The following ACSM1 variants were observed in gnomAD, a reference collection of about 807,000 sequenced individuals.
ACSM1 encodes the protein acyl-coenzyme A synthetase ACSM1, mitochondrial.
ACSM1 carries 79 observed loss-of-function variants against 75.8 expected under a neutral mutation model. That is an observed-to-expected ratio of 1.04 (90% CI 0.87 to 1.26). The LOEUF (loss-of-function observed/expected upper bound fraction) is 1.26, where lower values mean the gene tolerates loss of function less well. Ranked by LOEUF, ACSM1 falls within the 50% of genes most tolerant of loss-of-function variation. The probability of loss-of-function intolerance (pLI) is 0.00; values close to 1 mark genes in which losing one functional copy is unlikely to be tolerated. For missense variants in ACSM1, 676 were observed against 720.1 expected, an observed-to-expected ratio of 0.94 and a Z score of 0.70; for synonymous variants, 279 against 265.8, an observed-to-expected ratio of 1.05 and a Z score of -0.48.
intron 6 of ACSM1, among the ~76,000 whole-genome samples, chr16:20,665,032 C>A (rs12443593): frequency 0.026 from 3,938 of 152,090 alleles, 82 homozygotes; most frequent in Non-Finnish European, 0.04. Context: ...TAAATGCCTT[C>A]ATTAAGAAGT....
At position 20,627,218 on chromosome 16, in the gene ACSM1, C is replaced by G; in HGVS notation, c.1398G>C (p.Gly466=). ...MDEEGYICFL[G]RSDDIINASG... is the part of the protein sequence containing the mutation. ...AGGCATTAATGATGTCATCACTCCT[C>G]CCCAGGAAACAAATGTAGCCCTCTT... The change falls in exon 11 of 14, where the codon GGG becomes GGC. Residue 466 remains glycine (G), a synonymous_variant. Transcript: ENST00000520010. 3 of 1,574,622 alleles carry G rather than the reference C, an allele frequency of 1.9e-6. No individual in the cohort carries two copies. Among genetic ancestry groups the G allele is most frequent in the Non-Finnish European group, 2.6e-6 (3 of 1,162,960 alleles).
intron 6 of ACSM1, among the ~76,000 whole-genome samples, chr16:20,667,562 C>T (rs1374693402): frequency 6.6e-6 from 1 of 152,082 alleles, no homozygotes; most frequent in African/African-American, 2.4e-5. Context: ...GATAGAAATG[C>T]AAATTAGTTT....
intron 7 of ACSM1, among the ~76,000 whole-genome samples, chr16:20,650,076 C>A (rs2018567815): frequency 6.6e-6 from 1 of 152,190 alleles, no homozygotes; most frequent in South Asian, 2.1e-4. Context: ...TCTGGTGGAA[C>A]TGGTAAGTCC....
At chr16:20,637,054 A>G (rs775766436) in intron 9 of ACSM1, 31 of 738,782 alleles carry the variant, frequency 4.2e-5, no homozygotes, top group Admixed American at 2.0e-4. Context: ...GATGTCACCA[A>G]TGTGTCTTCA....
chr16:20,662,071 A>G (rs1163157116), intron 6 of ACSM1, among the ~76,000 whole-genome samples, 198 bp from the exon 7 acceptor site: 3 of 152,232 alleles, frequency 2.0e-5, no homozygotes, highest in East Asian at 3.8e-4. Context: ...AAAAACGCAG[A>G]TAACGTTCCA....
chr16:20,640,468 G>C lies in ACSM1; in HGVS notation c.1109C>G (p.Ser370Trp), dbSNP rs578181180. The C allele has an allele frequency of 6.2e-7, 1 of 1,614,036 alleles. No individual in the cohort carries two copies. The highest frequency in any genetic ancestry group is 8.5e-7 in the Non-Finnish European group (1 of 1,179,974). ...GLLLYENYGQ[S>W]ETGLICATYW... ...CTGGTTTGCACCACCTACCGTTTCCGACTGCCCATAGTTCTCGTAGAGCAG... is the reference window on the plus strand; with the variant it reads ...CTGGTTTGCACCACCTACCGTTTCCCACTGCCCATAGTTCTCGTAGAGCAG... The change falls in exon 8 of 14, where the codon TCG (serine) becomes TGG (tryptophan). Residue 370 changes from serine (S) to tryptophan (W), a missense_variant. Coordinates refer to ENST00000520010, the MANE Select transcript of ACSM1 (RefSeq NM_001318890.3).
chr16:20,685,399 C>T lies in ACSM1; in HGVS notation c.197G>A (p.Gly66Asp). Residue 66 changes from glycine to aspartate, a missense_variant, in exon 3 of 14, where the codon GGC (glycine) becomes GAC (aspartate). By Grantham distance (94) the Gly-to-Asp change is moderately conservative. Coordinates refer to ENST00000520010, the MANE Select transcript of ACSM1 (RefSeq NM_001318890.3). ...LDYWAQKEKE[G>D]KRGPNPAFWW... ...AAAAGCTGGATTTGGACCTCTCTTG[C>T]CCTCCTGGTCAAGACCATATATTAT... 6.2e-7 allele frequency: 1 copy of T among 1,613,972 alleles called. No individual in the cohort carries two copies. Among genetic ancestry groups the T allele is most frequent in the South Asian group, 1.1e-5 (1 of 91,088 alleles).
At chr16:20,636,315 A>T (rs537341825) in intron 10 of ACSM1, among the ~76,000 whole-genome samples, 1 of 152,176 alleles carries the variant, frequency 6.6e-6, no homozygotes, top group East Asian at 1.9e-4. Flanking sequence ...TAAACCTACC[A>T]TTTATTTGAT....
intron 11 of ACSM1, among the ~76,000 whole-genome samples, 159 bp downstream of exon 11, chr16:20,627,030 C>T (rs1020465256): frequency 5.3e-5 from 8 of 151,956 alleles, no homozygotes; most frequent in Admixed American, 4.6e-4. Flanking sequence ...AGAGAAGGTT[C>T]GGGAGGTATA....
intron 1 of ACSM1, 105 bp from the exon 2 acceptor site, chr16:20,691,344 C>T: frequency 3.4e-6 from 2 of 589,922 alleles, no homozygotes; most frequent in East Asian, 3.3e-5. Flanking sequence ...TGTTTCAGGT[C>T]ACCAGAATTT....
chr16:20,624,197 C>T lies in ACSM1; in HGVS notation c.1546G>A (p.Val516Ile). 2 of 1,611,164 alleles carry T rather than the reference C, an allele frequency of 1.2e-6. No homozygotes were observed. Among genetic ancestry groups the T allele is most frequent in the Non-Finnish European group, 8.5e-7 (1 of 1,178,166 alleles). The change falls in exon 13 of 14, where the codon GTC becomes ATC. Residue 516 changes from valine (V) to isoleucine (I), a missense_variant. Coordinates refer to ENST00000520010, the MANE Select transcript of ACSM1 (RefSeq NM_001318890.3). ...TGGGACAGGAACTGTGGGGTCAGGA[C>T]AATAAAGGCCTTCACCACCTGCAGA... The part of the protein sequence containing the change: ...IRGEVVKAFI[V>I]LTPQFLSHDK...
In ACSM1 at chr16:20,636,832, A is replaced by C; in HGVS notation, c.1206T>G (p.Asp402Glu). Residue 402 changes from aspartate to glutamate, a missense_variant, in exon 10 of 14, where the codon GAT (aspartate) becomes GAG (glutamate). Asp to Glu is a conservative substitution (Grantham distance 45). Coordinates refer to ENST00000520010, the MANE Select transcript of ACSM1 (RefSeq NM_001318890.3). ...TAGGTGGCAGGATGCTGCCCTTGTC[A>C]TCAATGACCTGTAGCAAGAGGCCTG... The part of the protein sequence containing the change: ...ATPPYDVQVI[D>E]DKGSILPPNT... 1 of 1,613,688 alleles carries C rather than the reference A, an allele frequency of 6.2e-7. No homozygotes were observed. The highest frequency in any genetic ancestry group is 8.5e-7 in the Non-Finnish European group (1 of 1,179,858).
In ACSM1 at chr16:20,661,886, G is replaced by A; in HGVS notation, c.913-13C>T. On this transcript the variant is annotated splice_polypyrimidine_tract_variant and intron_variant, in intron 6 of 13. Coordinates refer to ENST00000520010, the MANE Select transcript of ACSM1 (RefSeq NM_001318890.3). ...ATTTCAACAATGTCTGGAAAGGGAA[G>A]AGAGAAGAAATTTTATTTTTACAGT... 1 of 1,579,664 alleles carries A rather than the reference G, an allele frequency of 6.3e-7. No homozygotes were observed. The highest frequency in any genetic ancestry group is 1.7e-4 in the Middle Eastern group (1 of 5,982).
intron 7 of ACSM1, among the ~76,000 whole-genome samples, chr16:20,654,894 C>T (rs1366349936): frequency 6.6e-6 from 1 of 152,150 alleles, no homozygotes; most frequent in South Asian, 2.1e-4. Flanking sequence ...AATCCCATTA[C>T]TGGGTATATA....
At chr16:20,690,070 C>T (rs1035504222) in intron 2 of ACSM1, among the ~76,000 whole-genome samples, 13 of 152,130 alleles carry the variant, frequency 8.5e-5, no homozygotes, top group African/African-American at 2.7e-4. Context: ...TTTTATTTTT[C>T]TTGAGGTTAC....
chr16:20,682,273 G>C lies in ACSM1; in HGVS notation c.594C>G (p.Asp198Glu). ...AGACTCACTTAACCAGCGATCGGAA[G>C]TCCAGCCACCCTTCACGGCTGTGAT... ...VSDHSREGWL[D>E]FRSLVKSASP... Residue 198 changes from aspartate to glutamate, a missense_variant, in exon 4 of 14, where the codon GAC becomes GAG. Transcript: ENST00000520010. The C allele has an allele frequency of 6.2e-7, 1 of 1,613,236 alleles. No homozygotes were observed. The highest frequency in any genetic ancestry group is 2.2e-5 in the East Asian group (1 of 44,878).
chr16:20,678,813 C>T (rs2079372069), intron 4 of ACSM1, among the ~76,000 whole-genome samples: 1 of 152,194 alleles, frequency 6.6e-6, no homozygotes, highest in Admixed American at 6.5e-5. Context: ...TGTCAAGAAA[C>T]TCATCAAAGG....
chr16:20,649,464 T>G (rs905735315), intron 7 of ACSM1, among the ~76,000 whole-genome samples: 1 of 152,162 alleles, frequency 6.6e-6, no homozygotes, highest in Non-Finnish European at 1.5e-5. Flanking sequence ...TTGTTTTCCT[T>G]CTTTCCTTTC....
At chr16:20,669,484 C>CACA (rs2019768505) in intron 6 of ACSM1, among the ~76,000 whole-genome samples, 1 of 132,290 alleles carries the variant, frequency 7.6e-6, no homozygotes, top group African/African-American at 3.2e-5. Context: ...ACACACACAC[C>CACA]CCAGCTGCTT....
Sources: allele counts gnomAD v4.1 joint callset (sites outside exome capture counted in the v4.1 genomes callset), GRCh38; gene constraint gnomAD v4.1.1; transcripts MANE v1.5; gene names NCBI Gene and HGNC (gene_info 2026-07-23, HGNC 2026-07-21).